The following TMTC1 variants were observed in gnomAD, a reference collection of about 807,000 sequenced individuals.
The protein encoded by TMTC1 is transmembrane O-mannosyltransferase targeting cadherins 1.
A neutral mutation model predicts 104.8 loss-of-function variants in TMTC1; 73 were observed. The ratio of observed to expected loss-of-function variants is 0.70; its 90% CI spans 0.58 to 0.85. The LOEUF is 0.85. TMTC1 is among the 40% of genes least tolerant of loss of function. The probability of loss-of-function intolerance (pLI) is 0.00; values close to 1 mark genes in which losing one functional copy is unlikely to be tolerated. For synonymous variants in TMTC1, 434 were observed against 428.7 expected (o/e 1.01, Z -0.15); for missense variants, 1,035 against 1,096.1 (o/e 0.94, Z 0.79).
intron 6 of TMTC1, among the ~76,000 whole-genome samples, chr12:29,623,827 A>AATT (rs1937816016): frequency 3.4e-5 from 5 of 146,238 alleles, no homozygotes; most frequent in African/African-American, 1.3e-4. Context: ...ATAAATAAAT[A>AATT]AATTAAATTA....
intron 6 of TMTC1, among the ~76,000 whole-genome samples, chr12:29,617,896 A>T (rs2136450432): frequency 6.6e-6 from 1 of 152,326 alleles, no homozygotes; most frequent in Non-Finnish European, 1.5e-5. Flanking sequence ...ATAAGGAGCC[A>T]CCAGAAGATT....
chr12:29,726,665 T>C (rs1023238668), intron 5 of TMTC1, among the ~76,000 whole-genome samples: 1 of 152,164 alleles, frequency 6.6e-6, no homozygotes, highest in Non-Finnish European at 1.5e-5. Flanking sequence ...CCTGACACTA[T>C]TGCATCCCTT....
chr12:29,730,946 C>T (rs1167406668), intron 5 of TMTC1, among the ~76,000 whole-genome samples: 1 of 152,142 alleles, frequency 6.6e-6, no homozygotes, highest in Non-Finnish European at 1.5e-5. Context: ...AGCAGGTTCC[C>T]TTGCAAGGAT....
chr12:29,561,997 T>C (rs1945389393), intron 9 of TMTC1, among the ~76,000 whole-genome samples: 1 of 152,078 alleles, frequency 6.6e-6, no homozygotes, highest in Non-Finnish European at 1.5e-5. Context: ...CTGAAAAATA[T>C]ACAAAATAAA....
At chr12:29,614,865 A>G (rs1565711156) in intron 6 of TMTC1, among the ~76,000 whole-genome samples, 1 of 152,210 alleles carries the variant, frequency 6.6e-6, no homozygotes, top group Non-Finnish European at 1.5e-5. Flanking sequence ...TGTTTCTTCA[A>G]CAAGCCTTGG....
At chr12:29,751,579 G>A in intron 5 of TMTC1, 87 bp downstream of exon 5, 8 of 1,404,578 alleles carry the variant, frequency 5.7e-6, no homozygotes, top group Non-Finnish European at 8.1e-6. Flanking sequence ...TGCTGACTCA[G>A]TGCTTCACTT....
intron 5 of TMTC1, among the ~76,000 whole-genome samples, chr12:29,643,874 T>C (rs1591850281): frequency 3.0e-5 from 3 of 98,444 alleles, no homozygotes; most frequent in South Asian, 5.4e-4. Flanking sequence ...TATTTTTATA[T>C]ATAAATTTAA....
At chr12:29,527,699 T>C (rs1944388169) in intron 11 of TMTC1, among the ~76,000 whole-genome samples, 1 of 152,238 alleles carries the variant, frequency 6.6e-6, no homozygotes, top group Non-Finnish European at 1.5e-5. Context: ...ACACCACTAT[T>C]AACCACAGTT....
At position 29,688,985 on chromosome 12, in the gene TMTC1, G is replaced by C. The variant is rs139398282; in HGVS notation, c.939-55649C>G. ...GGCCAACCTAGAAGACTTCTTAAGG[G>C]ATAGAGAAGAACCCTATTTGCAGCC... On this transcript the variant is annotated intron_variant, in intron 5 of 17. Coordinates refer to ENST00000539277, the MANE Select transcript of TMTC1 (RefSeq NM_001193451.2). Among the ~76,000 whole-genome samples the C allele has an allele frequency of 1.4e-4, 22 of 152,198 alleles. 1 individual carries two copies. The East Asian group carries it at 4.3e-3, about 30-fold the overall frequency.
intron 10 of TMTC1, among the ~76,000 whole-genome samples, chr12:29,537,927 T>C (rs1944690501): frequency 6.6e-6 from 1 of 152,198 alleles, no homozygotes; most frequent in East Asian, 1.9e-4. Context: ...ACATAGACCT[T>C]GGATTTAACA....
At chr12:29,782,033 C>T (rs1191959414) in intron 1 of TMTC1, among the ~76,000 whole-genome samples, 1 of 152,224 alleles carries the variant, frequency 6.6e-6, no homozygotes, top group Non-Finnish European at 1.5e-5. Context: ...ATGCTGTGAA[C>T]TTGCACATCC....
chr12:29,641,178 G>A (rs1046059132), intron 5 of TMTC1: 1 of 152,262 alleles, frequency 6.6e-6, no homozygotes, highest in African/African-American at 2.4e-5. Flanking sequence ...AAAGACAAAG[G>A]GCATATACTC....
chr12:29,760,835 CATT>C (rs1943328186), intron 2 of TMTC1, among the ~76,000 whole-genome samples: 2 of 148,120 alleles, frequency 1.4e-5, no homozygotes, highest in African/African-American at 2.5e-5. Flanking sequence ...TTATATAACT[CATT>C]ATAATCAATT....
intron 7 of TMTC1, among the ~76,000 whole-genome samples, chr12:29,601,812 T>C (rs1592302575): frequency 6.6e-6 from 1 of 152,102 alleles, no homozygotes; most frequent in East Asian, 1.9e-4. Context: ...TGCAAAACAC[T>C]TTCTAAGTTT....
At chr12:29,523,418 C>T (rs909742991) in intron 11 of TMTC1, among the ~76,000 whole-genome samples, 6 of 152,216 alleles carry the variant, frequency 3.9e-5, no homozygotes, top group African/African-American at 1.2e-4. Flanking sequence ...ATAGTTTGAA[C>T]AGCTGGCTGT....
At chr12:29,620,029 T>C (rs952858313) in intron 6 of TMTC1, among the ~76,000 whole-genome samples, 1 of 152,234 alleles carries the variant, frequency 6.6e-6, no homozygotes, top group Non-Finnish European at 1.5e-5. Context: ...GCCTGGACTT[T>C]GAAATACATC....
rs965666354 is a variant in TMTC1 at position 29,725,137 on chromosome 12, C to T, written c.938+26529G>A. Among the ~76,000 whole-genome samples the T allele has an allele frequency of 3.3e-5, 5 of 149,676 alleles. No homozygotes were observed. In the South Asian group the frequency reaches 8.5e-4, roughly 25 times the overall value. ...GGTTCAAGCAATTCTCCTGCCTCAGCCTCCCGAATAGCTGGAATTACAGGC... is the reference window on the plus strand; with the variant it reads ...GGTTCAAGCAATTCTCCTGCCTCAGTCTCCCGAATAGCTGGAATTACAGGC... On this transcript the variant is annotated intron_variant, in intron 5 of 17. Coordinates refer to ENST00000539277, the MANE Select transcript of TMTC1 (RefSeq NM_001193451.2).
intron 5 of TMTC1, among the ~76,000 whole-genome samples, chr12:29,673,478 G>T (rs741616): frequency 6.6e-6 from 1 of 151,758 alleles, no homozygotes; most frequent in Admixed American, 6.6e-5. Flanking sequence ...ATAATTTTTC[G>T]AACATTCTTC....
rs533892346 is a variant in TMTC1, at chr12:29,709,992, G to A, written c.938+41674C>T. Among the ~76,000 whole-genome samples, 6 of 152,186 alleles carry A rather than the reference G, an allele frequency of 3.9e-5. No individual in the cohort carries two copies. In the South Asian group the frequency reaches 1.2e-3, roughly 32 times the overall value. On this transcript the variant is annotated intron_variant, in intron 5 of 17. Transcript: ENST00000539277. ...AGAGAAAATCCATAGCACATGGGAG[G>A]CAAACACCTTGCCAAAAAGTGAAAT...
Sources: gnomAD v4.1 joint callset for allele counts (sites outside exome capture counted in the v4.1 genomes callset) on GRCh38, gnomAD v4.1.1 for gene constraint, MANE v1.5 for transcripts, NCBI Gene and HGNC (gene_info 2026-07-23, HGNC 2026-07-21) for gene names.